FAT3: variants seen among roughly 807,000 people sequenced by gnomAD.
FAT3 encodes the protein FAT atypical cadherin 3.
FAT3 carries 95 observed loss-of-function variants against 310.2 expected under a neutral mutation model. The ratio of observed to expected loss-of-function variants is 0.31; its 90% confidence interval spans 0.26 to 0.36. The LOEUF (loss-of-function observed/expected upper bound fraction) is 0.36, where lower values mean the gene tolerates loss of function less well. Among genes scored for constraint, FAT3 ranks in the 10% least tolerant of loss-of-function variants. FAT3 has a pLI of 1.00. For missense variants in FAT3, 5,408 were observed against 5,715.6 expected, an observed-to-expected ratio of 0.95 and a Z score of 1.74; for synonymous variants, 2,314 against 2,192.9, an observed-to-expected ratio of 1.06 and a Z score of -1.54.
chr11:92,648,863 T>C (rs1942263367), intron 3 of FAT3, among the ~76,000 whole-genome samples: 2 of 152,164 alleles, frequency 1.3e-5, no homozygotes, highest in Admixed American at 6.5e-5. Flanking sequence ...TCGGAAGCTG[T>C]CCAGAAACGA....
intron 5 of FAT3, among the ~76,000 whole-genome samples, chr11:92,762,731 G>A (rs1466831982): frequency 2.0e-5 from 3 of 152,022 alleles, no homozygotes; most frequent in East Asian, 1.9e-4. Context: ...AAACAAGCAC[G>A]GGCACCATGT....
At chr11:92,739,508 T>C (rs1043075475) in intron 4 of FAT3, among the ~76,000 whole-genome samples, 2 of 152,224 alleles carry the variant, frequency 1.3e-5, no homozygotes, top group African/African-American at 2.4e-5. Context: ...TTTCATAAAC[T>C]GATTCCTCTT....
chr11:92,827,891 G>T (rs914625216), intron 13 of FAT3, among the ~76,000 whole-genome samples: 1 of 152,108 alleles, frequency 6.6e-6, no homozygotes, highest in African/African-American at 2.4e-5. Flanking sequence ...CAGATAACAT[G>T]CAGAAACCTC....
At chr11:92,485,917 G>T (rs567641929) in intron 2 of FAT3, among the ~76,000 whole-genome samples, 8 of 152,062 alleles carry the variant, frequency 5.3e-5, no homozygotes, top group Non-Finnish European at 1.0e-4. Flanking sequence ...GATTAATGCT[G>T]CTCATGAATA....
At position 92,354,572 on chromosome 11, in the gene FAT3, T is replaced by C. The variant is rs1419340276; in HGVS notation, c.2460T>C (p.Asn820=). The C allele has an allele frequency of 2.5e-6, 4 of 1,613,720 alleles. No homozygotes were observed. The highest frequency in any genetic ancestry group is 1.3e-5 in the African/African-American group (1 of 74,920). Reference sequence around the variant, plus strand: ...CGTCATGGAGACTGCTGACCATCAATGTGGAGGATGCTAATGACAATAGCC... The same window carrying C: ...CGTCATGGAGACTGCTGACCATCAACGTGGAGGATGCTAATGACAATAGCC... ...QKSSWRLLTI[N]VEDANDNSPV... is the part of the protein sequence containing the mutation. The change falls in exon 2 of 28, where the codon AAT becomes AAC. Residue 820 remains asparagine (N), a synonymous_variant. Transcript: ENST00000525166.
At position 92,679,841 on chromosome 11, in the gene FAT3, CAAAAAAA is replaced by C. The variant is rs71064721; in HGVS notation, c.3608-17522_3608-17516del. On this transcript the variant is annotated intron_variant, in intron 3 of 27. Coordinates refer to ENST00000525166, the MANE Select transcript of FAT3 (RefSeq NM_001367949.2). The stretch of plus-strand genomic sequence containing the variant: ...TGGGCGACAGAGCGAGACTCCATCT[CAAAAAAA>C]AAAAAAAAAAAAAAAAAAAAGTTGA... 3.8e-3 allele frequency among the ~76,000 whole-genome samples: 220 copies of C among 57,242 alleles called. 1 individual carries two copies. The highest frequency in any genetic ancestry group is 0.028 in the South Asian group (28 of 1,014). The allele number at this position is 57,242 out of a possible 152,430, so 37.6% of individuals were successfully genotyped here.
Position 92,801,286 on chromosome 11 carries a change from T to C in FAT3, c.8273T>C (p.Ile2758Thr), listed in dbSNP as rs1947344228. The change falls in exon 10 of 28, where the codon ATA (isoleucine) becomes ACA (threonine). Residue 2758 changes from isoleucine to threonine, a missense_variant. Physicochemically the swap from Ile to Thr is moderately conservative, Grantham distance 89. Transcript: ENST00000525166. ...AATAACAAAGGGGGCATATTCGTCA[T>C]AGAACAGGAAACAGGCACTATTAAG... Reference protein sequence around the residue: ...PENNKGGIFVIEQETGTIKLD... With the variant: ...PENNKGGIFVTEQETGTIKLD... 6.2e-7 allele frequency: 1 copy of C among 1,613,904 alleles called. No individual in the cohort carries two copies. The highest frequency in any genetic ancestry group is 8.5e-7 in the Non-Finnish European group (1 of 1,179,862).
chr11:92,298,565 T>G (rs1258910307), intron 1 of FAT3, among the ~76,000 whole-genome samples: 1 of 152,164 alleles, frequency 6.6e-6, no homozygotes, highest in African/African-American at 2.4e-5. Context: ...ATGTTCTTCC[T>G]ATTTGTTGAA....
At chr11:92,697,570 G>A in intron 4 of FAT3, 125 bp downstream of exon 4, 1 of 945,980 alleles carries the variant, frequency 1.1e-6, no homozygotes. Flanking sequence ...TATTTCTCTT[G>A]GGCTGCTATG....
At chr11:92,300,888 T>A (rs1676783256) in intron 1 of FAT3, among the ~76,000 whole-genome samples, 1 of 152,128 alleles carries the variant, frequency 6.6e-6, no homozygotes, top group Non-Finnish European at 1.5e-5. Flanking sequence ...CTCTTCAAAG[T>A]TTTTCATAGT....
At chr11:92,445,020 A>G (rs371966086) in intron 2 of FAT3, among the ~76,000 whole-genome samples, 2 of 152,268 alleles carry the variant, frequency 1.3e-5, no homozygotes, top group African/African-American at 4.8e-5. Flanking sequence ...CCATTAGGGG[A>G]AAATTTGTGC....
chr11:92,272,404 A>G lies in FAT3; in HGVS notation c.-18+47230A>G, dbSNP rs74723815. Among the ~76,000 whole-genome samples, 73 of 152,258 alleles carry G rather than the reference A, an allele frequency of 4.8e-4. No individual in the cohort carries two copies. In the East Asian group the frequency reaches 0.014, roughly 29 times the overall value. Reference sequence around the variant, plus strand: ...TGTCTGAGTTCCTAGTAAATGCATGACATATTGTGAATTACTAAGTAGTGG... The same window carrying G: ...TGTCTGAGTTCCTAGTAAATGCATGGCATATTGTGAATTACTAAGTAGTGG... On this transcript the variant is annotated intron_variant, in intron 1 of 27. Transcript: ENST00000525166.
At chr11:92,448,204 G>T (rs1265591958) in intron 2 of FAT3, among the ~76,000 whole-genome samples, 1 of 151,998 alleles carries the variant, frequency 6.6e-6, no homozygotes, top group Non-Finnish European at 1.5e-5. Context: ...ACAACATAAG[G>T]CAAAAAATAT....
chr11:92,653,889 T>G (rs116432176), intron 3 of FAT3, among the ~76,000 whole-genome samples: 278 of 152,340 alleles, frequency 1.8e-3, no homozygotes, highest in African/African-American at 6.6e-3. Context: ...GAAAAGCCAT[T>G]TCTACACACA....
chr11:92,356,479 T>C (rs1449731479), intron 2 of FAT3, among the ~76,000 whole-genome samples: 3 of 152,188 alleles, frequency 2.0e-5, no homozygotes, highest in Non-Finnish European at 4.4e-5. Context: ...TTTCTCATAG[T>C]TCGGGAGGCT....
intron 1 of FAT3, among the ~76,000 whole-genome samples, chr11:92,328,452 A>G (rs923625552): frequency 2.0e-5 from 3 of 152,204 alleles, no homozygotes; most frequent in African/African-American, 7.2e-5. Flanking sequence ...TTCTGTAATC[A>G]TCGTACAAGG....
At chr11:92,423,839 C>T (rs1223904174) in intron 2 of FAT3, among the ~76,000 whole-genome samples, 3 of 152,136 alleles carry the variant, frequency 2.0e-5, no homozygotes, top group African/African-American at 7.2e-5. Context: ...TTAAGATCTT[C>T]AACTGATTAG....
intron 4 of FAT3, among the ~76,000 whole-genome samples, chr11:92,736,092 G>A (rs577433840): frequency 1.3e-5 from 2 of 152,014 alleles, no homozygotes; most frequent in African/African-American, 4.8e-5. Context: ...CTCTTTGAAG[G>A]CACTGTCTGA....
rs1947295043 is a variant in FAT3 at position 92,311,160 on chromosome 11, G to A, written c.-17-40936G>A. On this transcript the variant is annotated intron_variant, in intron 1 of 27. Coordinates refer to ENST00000525166, the MANE Select transcript of FAT3 (RefSeq NM_001367949.2). ...ATTAAAACTAGACTATCAGTTGATTGTTATCTCTCGGAAAAATGTACCTTT... is the reference window on the plus strand; with the variant it reads ...ATTAAAACTAGACTATCAGTTGATTATTATCTCTCGGAAAAATGTACCTTT... Among the ~76,000 whole-genome samples, 4 of 151,826 alleles carry A rather than the reference G, an allele frequency of 2.6e-5. No homozygotes were observed. The South Asian group carries it at 8.3e-4, about 32-fold the overall frequency.
Sources: allele counts gnomAD v4.1 joint callset (sites outside exome capture counted in the v4.1 genomes callset), GRCh38; gene constraint gnomAD v4.1.1; transcripts MANE v1.5; gene names NCBI Gene and HGNC (gene_info 2026-07-23, HGNC 2026-07-21).